Variants in AIF1L observed in about 807,000 individuals in gnomAD.
AIF1L encodes allograft inflammatory factor 1-like.
In AIF1L, 12 loss-of-function variants were observed where a neutral mutation model predicts 20.7. The ratio of observed to expected loss-of-function variants is 0.58; its 90% CI spans 0.37 to 0.94. The LOEUF (loss-of-function observed/expected upper bound fraction) is 0.94, where lower values mean the gene tolerates loss of function less well. Among genes scored for constraint, AIF1L ranks in the 40% least tolerant of loss-of-function variants. AIF1L has a pLI of 0.01. For synonymous variants in AIF1L, 76 were observed against 65.1 expected, an observed-to-expected ratio of 1.17 and a Z score of -0.81; for missense variants, 173 against 185.3, an observed-to-expected ratio of 0.93 and a Z score of 0.39.
intron 1 of AIF1L, 40 bp downstream of exon 1, chr9:131,096,700 G>A (rs994499143): frequency 6.8e-5 from 98 of 1,450,030 alleles, no homozygotes; most frequent in Non-Finnish European, 8.4e-5. Flanking sequence ...TGTGCGCGCC[G>A]GGCGGACCGC....
intron 3 of AIF1L, chr9:131,112,284 T>C (rs1157413659): frequency 6.6e-6 from 1 of 152,670 alleles, no homozygotes; most frequent in Non-Finnish European, 1.5e-5. Flanking sequence ...CCACCTTCCC[T>C]GCCAGGGGAG....
At chr9:131,102,495 G>A (rs2133377224) in intron 2 of AIF1L, among the ~76,000 whole-genome samples, 1 of 152,328 alleles carries the variant, frequency 6.6e-6, no homozygotes, top group South Asian at 2.1e-4. Flanking sequence ...GGTGATAAGT[G>A]GCCACGTGAG....
chr9:131,120,197 TTTTC>T (rs780925133), intron 5 of AIF1L, 34 bp from the exon 6 acceptor site: 3 of 1,594,474 alleles, frequency 1.9e-6, no homozygotes, highest in East Asian at 2.2e-5. Flanking sequence ...CTAATCTTGT[TTTTC>T]TTTCTTTTTT....
chr9:131,117,822 A>C lies in AIF1L; in HGVS notation c.269A>C (p.Lys90Thr). ...CCCAAGACCCACCTGGAGATGAAGA[A>C]GATGATCTCAGAGGTGACAGGAGGG... The part of the protein sequence containing the change: ...GVPKTHLEMK[K>T]MISEVTGGVS... Residue 90 changes from lysine to threonine, a missense_variant, in exon 5 of 6, where the codon AAG (lysine) becomes ACG (threonine). Physicochemically the swap from Lys to Thr is moderately conservative, Grantham distance 78. Transcript: ENST00000247291. The C allele has an allele frequency of 6.2e-7, 1 of 1,614,148 alleles. No individual in the cohort carries two copies. Among genetic ancestry groups the C allele is most frequent in the Non-Finnish European group, 8.5e-7 (1 of 1,180,024 alleles).
At chr9:131,110,974 G>A (rs1233006021) in intron 2 of AIF1L, among the ~76,000 whole-genome samples, 1 of 150,296 alleles carries the variant, frequency 6.7e-6, no homozygotes, top group African/African-American at 2.4e-5. Flanking sequence ...TCAGGAGTTC[G>A]AGACCAGCCT....
At chr9:131,115,561 T>G (rs1053199267) in intron 4 of AIF1L, among the ~76,000 whole-genome samples, 2 of 151,498 alleles carry the variant, frequency 1.3e-5, no homozygotes, top group African/African-American at 4.8e-5. Flanking sequence ...AGTTTCCCCC[T>G]TTTCCATTTC....
chr9:131,113,497 C>CAAAAAAAAAAA, intron 3 of AIF1L, among the ~76,000 whole-genome samples: 3 of 49,324 alleles, frequency 6.1e-5, no homozygotes, highest in Non-Finnish European at 1.1e-4. Flanking sequence ...GACTCCATCT[C>CAAAAAAAAAAA]AAAAAAAAAA....
At chr9:131,104,257 C>T (rs1434066995) in intron 2 of AIF1L, among the ~76,000 whole-genome samples, 1 of 152,218 alleles carries the variant, frequency 6.6e-6, no homozygotes, top group Non-Finnish European at 1.5e-5. Flanking sequence ...CCCACCCCAG[C>T]ACTTTCTACT....
intron 5 of AIF1L, 21 bp downstream of exon 5, chr9:131,117,939 T>C (rs1454019582): frequency 6.3e-7 from 1 of 1,588,942 alleles, no homozygotes; most frequent in African/African-American, 1.3e-5. Context: ...CCTTCCTCCC[T>C]TGGGATCTCT....
At chr9:131,105,039 G>T (rs1254587261) in intron 2 of AIF1L, among the ~76,000 whole-genome samples, 1 of 151,986 alleles carries the variant, frequency 6.6e-6, no homozygotes, top group African/African-American at 2.4e-5. Context: ...TCTGCCTATG[G>T]ACCCAGGGTC....
chr9:131,109,449 C>T (rs1219994768), intron 2 of AIF1L, among the ~76,000 whole-genome samples: 1 of 152,146 alleles, frequency 6.6e-6, no homozygotes, highest in Non-Finnish European at 1.5e-5. Flanking sequence ...GTCCCAGCTA[C>T]TTGGGAGGCT....
chr9:131,114,749 C>A, intron 4 of AIF1L, 131 bp downstream of exon 4: 1 of 1,178,404 alleles, frequency 8.5e-7, no homozygotes, highest in Non-Finnish European at 1.3e-6. Context: ...GAGCCAGCCC[C>A]AGCCCCTTGC....
In AIF1L at chr9:131,096,646, G is replaced by A; in HGVS notation, c.17G>A (p.Ser6Asn). 2.7e-6 allele frequency: 4 copies of A among 1,485,978 alleles called. No homozygotes were observed. Among genetic ancestry groups the A allele is most frequent in the Non-Finnish European group, 3.6e-6 (4 of 1,126,102 alleles). 92.0% of individuals were successfully genotyped at this position (1,485,978 alleles called of 1,614,324 possible). ...GCGCTCGCCATGTCGGGCGAGCTCAGCAACAGGTTCCAAGGTAGGCGCCGC... is the reference window on the plus strand; with the variant it reads ...GCGCTCGCCATGTCGGGCGAGCTCAACAACAGGTTCCAAGGTAGGCGCCGC... MSGELSNRFQGGKAFG... is the reference protein window; with the variant it reads MSGELNNRFQGGKAFG... Residue 6 changes from serine (S) to asparagine (N), a missense_variant, in exon 1 of 6, where the codon AGC becomes AAC. Ser to Asn is a conservative substitution (Grantham distance 46). Transcript: ENST00000247291.
intron 2 of AIF1L, among the ~76,000 whole-genome samples, chr9:131,105,150 G>A (rs1166660057): frequency 2.6e-5 from 4 of 152,122 alleles, no homozygotes; most frequent in African/African-American, 7.2e-5. Flanking sequence ...ACATGAGCAG[G>A]AACCAAGAAT....
intron 3 of AIF1L, chr9:131,114,269 C>G: frequency 2.9e-6 from 1 of 350,010 alleles, no homozygotes; most frequent in South Asian, 3.2e-5. Context: ...GCTACTAACT[C>G]AGATGCAGCT....
intron 3 of AIF1L, 56 bp downstream of exon 3, chr9:131,111,719 C>T: frequency 6.6e-7 from 1 of 1,525,010 alleles, no homozygotes; most frequent in Non-Finnish European, 9.1e-7. Context: ...GCTGGCCCCT[C>T]ATCCTTGCAC....
intron 4 of AIF1L, among the ~76,000 whole-genome samples, chr9:131,115,772 G>A (rs948995230): frequency 4.0e-5 from 6 of 151,514 alleles, no homozygotes; most frequent in East Asian, 2.0e-4. Context: ...TCAGGAGTTC[G>A]AGACCAGCCT....
chr9:131,110,129 T>C (rs1168611901), intron 2 of AIF1L, among the ~76,000 whole-genome samples: 6 of 152,142 alleles, frequency 3.9e-5, no homozygotes, highest in Admixed American at 2.0e-4. Context: ...GGAGGATCAC[T>C]TGAGATCGGG....
chr9:131,111,846 ACCTGCCTC>A (rs1333255735), intron 3 of AIF1L, 183 bp downstream of exon 3: 2 of 567,082 alleles, frequency 3.5e-6, no homozygotes, highest in East Asian at 5.9e-5. Context: ...AGGCCCCTCC[ACCTGCCTC>A]CCTGCCCCTG....
Sources: allele counts gnomAD v4.1 joint callset (sites outside exome capture counted in the v4.1 genomes callset), GRCh38; gene constraint gnomAD v4.1.1; transcripts MANE v1.5; gene names NCBI Gene and HGNC (gene_info 2026-07-23, HGNC 2026-07-21).